The following PKP4 variants were observed in gnomAD, a reference collection of about 807,000 sequenced individuals.
PKP4 encodes the protein plakophilin 4.
A neutral mutation model predicts 145.1 loss-of-function variants in PKP4; 90 were observed. The ratio of observed to expected loss-of-function variants is 0.62; its 90% CI spans 0.52 to 0.74. The LOEUF is 0.74. PKP4 is among the 30% of genes least tolerant of loss of function. The probability of loss-of-function intolerance (pLI) is 0.00; values close to 1 mark genes in which losing one functional copy is unlikely to be tolerated. For missense variants in PKP4, 1,340 were observed against 1,482.7 expected, an observed-to-expected ratio of 0.90 and a Z score of 1.58; for synonymous variants, 563 against 577.2, an observed-to-expected ratio of 0.98 and a Z score of 0.35.
At chr2:158,620,723 A>T (rs1017291672) in intron 4 of PKP4, among the ~76,000 whole-genome samples, 7 of 152,204 alleles carry the variant, frequency 4.6e-5, no homozygotes, top group African/African-American at 1.7e-4. Context: ...CAAGAGGAAC[A>T]GGATCAGTTT....
At chr2:158,672,282 T>A (rs1472980785) in intron 17 of PKP4, among the ~76,000 whole-genome samples, 1 of 152,232 alleles carries the variant, frequency 6.6e-6, no homozygotes, top group Non-Finnish European at 1.5e-5. Flanking sequence ...TACATAACTC[T>A]TTCAAGGAGT....
chr2:158,518,067 A>T (rs2042072885), intron 1 of PKP4, among the ~76,000 whole-genome samples: 1 of 152,244 alleles, frequency 6.6e-6, no homozygotes, highest in Admixed American at 6.5e-5. Context: ...GCCATCCTAA[A>T]TCTCAGTGGC....
At position 158,458,869 on chromosome 2, in the gene PKP4, G is replaced by C. The variant is rs1167175634; in HGVS notation, c.-6+1651G>C. Among the ~76,000 whole-genome samples the C allele has an allele frequency of 2.0e-5, 3 of 151,728 alleles. No homozygotes were observed. The East Asian group carries it at 5.8e-4, about 29-fold the overall frequency. On this transcript the variant is annotated intron_variant, in intron 1 of 21. Coordinates refer to ENST00000389759, the MANE Select transcript of PKP4 (RefSeq NM_003628.6). ...AGTAACACGGGGACACCACAATCAT[G>C]TATATTTCAAGATGTAATTTATTAG...
rs540067632 is a variant in PKP4 at position 158,601,580 on chromosome 2, C to T, written c.246-1490C>T. On this transcript the variant is annotated intron_variant, in intron 3 of 21. Coordinates refer to ENST00000389759, the MANE Select transcript of PKP4 (RefSeq NM_003628.6). The stretch of plus-strand genomic sequence containing the variant: ...ATATTTGACCAAGTTTTCACTTTTT[C>T]CTATCAGTCCATTTTGAAATCAGCT... 5.3e-5 allele frequency among the ~76,000 whole-genome samples: 8 copies of T among 152,246 alleles called. No homozygotes were observed. In the South Asian group the frequency reaches 1.7e-3, roughly 32 times the overall value.
chr2:158,665,782 TA>T (rs1415558734), intron 15 of PKP4: 1 of 152,174 alleles, frequency 6.6e-6, no homozygotes, highest in Non-Finnish European at 1.5e-5. Flanking sequence ...TATGGATTTT[TA>T]AAAAACAGCA....
At position 158,634,435 on chromosome 2, in the gene PKP4, T is replaced by C. The variant is rs564760471; in HGVS notation, c.1562+146T>C. 2.2e-5 allele frequency: 13 copies of C among 597,298 alleles called. No homozygotes were observed. The East Asian group carries it at 3.6e-4, about 17-fold the overall frequency. The allele number at this position is 597,298 out of a possible 1,614,324, so 37.0% of individuals were successfully genotyped here. A position where few individuals can be genotyped will look rare whatever the true frequency, so the allele number is the denominator to read the frequency against. On this transcript the variant is annotated intron_variant, in intron 9 of 21. Coordinates refer to ENST00000389759, the MANE Select transcript of PKP4 (RefSeq NM_003628.6). ...ATATATATTAATACTTCCAGTTGTA[T>C]TCCAGCTATATAGGTCATTGAGGTT...
intron 3 of PKP4, among the ~76,000 whole-genome samples, chr2:158,584,030 G>A (rs1287308865): frequency 2.6e-5 from 4 of 152,116 alleles, no homozygotes; most frequent in African/African-American, 4.8e-5. Flanking sequence ...GGGGGAAGCC[G>A]CCTTTCTGGC....
chr2:158,479,566 A>C (rs549048683), intron 1 of PKP4, among the ~76,000 whole-genome samples: 1 of 152,288 alleles, frequency 6.6e-6, no homozygotes, highest in East Asian at 1.9e-4. Context: ...AACATTTTTT[A>C]ATTTTATTTT....
intron 3 of PKP4, among the ~76,000 whole-genome samples, chr2:158,591,325 A>G (rs997342222): frequency 1.3e-5 from 2 of 152,062 alleles, no homozygotes; most frequent in Non-Finnish European, 2.9e-5. Flanking sequence ...TGGTGTAATA[A>G]TATTGTGGTT....
intron 3 of PKP4, among the ~76,000 whole-genome samples, chr2:158,584,066 G>A (rs947492037): frequency 2.0e-5 from 3 of 152,154 alleles, no homozygotes; most frequent in African/African-American, 7.2e-5. Flanking sequence ...AGGACCAGGG[G>A]CTCTCTGCAC....
intron 10 of PKP4, 84 bp from the exon 11 acceptor site, chr2:158,642,402 G>A: frequency 4.1e-6 from 4 of 987,218 alleles, no homozygotes; most frequent in East Asian, 2.4e-5. Context: ...TCCACATCCT[G>A]TGATCTCTCC....
At chr2:158,632,938 T>C (rs1172588835) in intron 8 of PKP4, among the ~76,000 whole-genome samples, 1 of 152,232 alleles carries the variant, frequency 6.6e-6, no homozygotes. Context: ...CAGGAAGATA[T>C]GTACACAGTT....
intron 1 of PKP4, among the ~76,000 whole-genome samples, chr2:158,484,298 C>T (rs1986307): frequency 0.65 from 98,912 of 151,676 alleles, 32,465 homozygotes; most frequent in South Asian, 0.83. Flanking sequence ...CCACCCACCT[C>T]GGCCTCCCAA....
intron 2 of PKP4, among the ~76,000 whole-genome samples, chr2:158,567,720 G>GA (rs1392186669): frequency 1.3e-5 from 2 of 152,130 alleles, no homozygotes; most frequent in African/African-American, 4.8e-5. Flanking sequence ...AACATATCAG[G>GA]AAAAAATGTA....
intron 1 of PKP4, among the ~76,000 whole-genome samples, chr2:158,469,725 C>G (rs1422927384): frequency 6.6e-6 from 1 of 152,116 alleles, no homozygotes; most frequent in Non-Finnish European, 1.5e-5. Flanking sequence ...ACAATCAGTC[C>G]TAAAATATAG....
At chr2:158,526,692 A>C (rs934378308) in intron 1 of PKP4, among the ~76,000 whole-genome samples, 1 of 89,820 alleles carries the variant, frequency 1.1e-5, no homozygotes, top group African/African-American at 4.7e-5. Flanking sequence ...AGGAAGTCAA[A>C]TTGTCCCTGT....
chr2:158,581,898 A>T (rs556575815), intron 3 of PKP4, among the ~76,000 whole-genome samples: 60 of 152,346 alleles, frequency 3.9e-4, no homozygotes, highest in African/African-American at 1.4e-3. Flanking sequence ...CTTCCAAACA[A>T]GGTAAAAACC....
intron 9 of PKP4, 37 bp downstream of exon 9, chr2:158,634,326 A>G: frequency 6.5e-7 from 1 of 1,538,790 alleles, no homozygotes; most frequent in Non-Finnish European, 9.0e-7. Flanking sequence ...AGGCTACAGT[A>G]TTGCAGGAGT....
At chr2:158,533,444 A>C in intron 2 of PKP4, 128 bp downstream of exon 2, 1 of 1,131,100 alleles carries the variant, frequency 8.8e-7, no homozygotes, top group Non-Finnish European at 1.3e-6. Flanking sequence ...TAAGGTGTTT[A>C]CATCCCTGAG....
Sources: gnomAD v4.1 joint callset for allele counts (sites outside exome capture counted in the v4.1 genomes callset) on GRCh38, gnomAD v4.1.1 for gene constraint, MANE v1.5 for transcripts, NCBI Gene and HGNC (gene_info 2026-07-23, HGNC 2026-07-21) for gene names.